Variants in GRIK1 observed in about 807,000 individuals in gnomAD.
GRIK1 encodes the protein glutamate ionotropic receptor kainate type subunit 1, also known as glutamate receptor ionotropic, kainate 1.
GRIK1 carries 69 observed loss-of-function variants against 105.7 expected under a neutral mutation model. The observed-to-expected ratio is 0.65, with a 90% confidence interval of 0.54 to 0.80. The LOEUF (loss-of-function observed/expected upper bound fraction) is 0.80, where lower values mean the gene tolerates loss of function less well. GRIK1 is among the 30% of genes least tolerant of loss of function. The pLI, the probability that GRIK1 is intolerant of heterozygous loss-of-function variation, is 0.00. For synonymous variants in GRIK1, 438 were observed against 431.3 expected (o/e 1.02, Z -0.19); for missense variants, 1,109 against 1,167.3 (o/e 0.95, Z 0.73).
chr21:29,781,825 C>T (rs891382193), intron 1 of GRIK1, among the ~76,000 whole-genome samples: 41 of 149,200 alleles, frequency 2.7e-4, no homozygotes, highest in African/African-American at 7.1e-4. Context: ...CGCCCGCCAC[C>T]GCGCCCGGCT....
At chr21:29,649,521 C>T (rs531082730) in intron 6 of GRIK1, among the ~76,000 whole-genome samples, 258 of 152,278 alleles carry the variant, frequency 1.7e-3, no homozygotes, top group African/African-American at 5.9e-3. Context: ...ACACTTCCTG[C>T]CCAGGGGATT....
chr21:29,702,848 A>T (rs2063838166), intron 1 of GRIK1, among the ~76,000 whole-genome samples: 1 of 147,992 alleles, frequency 6.8e-6, no homozygotes, highest in East Asian at 2.0e-4. Context: ...AGAAAATAAG[A>T]CCCTGCCAAT....
intron 1 of GRIK1, among the ~76,000 whole-genome samples, chr21:29,844,210 C>A (rs1365211498): frequency 6.6e-6 from 1 of 151,812 alleles, no homozygotes; most frequent in African/African-American, 2.4e-5. Flanking sequence ...AAAAAAAAAA[C>A]CTTTGCAGAT....
At chr21:29,743,904 A>G (rs2064988034) in intron 1 of GRIK1, among the ~76,000 whole-genome samples, 1 of 152,164 alleles carries the variant, frequency 6.6e-6, no homozygotes, top group Non-Finnish European at 1.5e-5. Flanking sequence ...TTCTTGAGGA[A>G]TAACACACAC....
intron 7 of GRIK1, among the ~76,000 whole-genome samples, chr21:29,623,303 T>A (rs1415618674): frequency 6.6e-6 from 1 of 152,152 alleles, no homozygotes; most frequent in African/African-American, 2.4e-5. Context: ...CCCACCCTCA[T>A]GATTCAATTA....
At chr21:29,702,681 A>G (rs541683052) in intron 1 of GRIK1, among the ~76,000 whole-genome samples, 10 of 152,240 alleles carry the variant, frequency 6.6e-5, no homozygotes, top group Non-Finnish European at 1.3e-4. Flanking sequence ...ACTGCACTCC[A>G]GCCTGGGTGA....
At chr21:29,824,145 A>G (rs2067381401) in intron 1 of GRIK1, among the ~76,000 whole-genome samples, 2 of 152,136 alleles carry the variant, frequency 1.3e-5, no homozygotes, top group Admixed American at 1.3e-4. Flanking sequence ...ACAACTGGAA[A>G]TTAATATATC....
At chr21:29,821,558 C>A (rs2067308622) in intron 1 of GRIK1, among the ~76,000 whole-genome samples, 1 of 151,974 alleles carries the variant, frequency 6.6e-6, no homozygotes, top group Admixed American at 6.6e-5. Context: ...AGACAGGAAT[C>A]CTCATGGGGA....
chr21:29,891,818 C>T (rs1474446795), intron 1 of GRIK1, among the ~76,000 whole-genome samples: 1 of 152,054 alleles, frequency 6.6e-6, no homozygotes, highest in Non-Finnish European at 1.5e-5. Context: ...GTATTAAAAA[C>T]TATGATTAAT....
intron 13 of GRIK1, among the ~76,000 whole-genome samples, chr21:29,580,140 TAC>T (rs2090995564): frequency 7.0e-6 from 1 of 143,436 alleles, no homozygotes; most frequent in African/African-American, 2.7e-5. Context: ...CACATATATA[TAC>T]ATATATATAT....
chr21:29,721,771 T>C (rs370553777), intron 1 of GRIK1, among the ~76,000 whole-genome samples: 1 of 152,130 alleles, frequency 6.6e-6, no homozygotes, highest in South Asian at 2.1e-4. Flanking sequence ...CTTATTGAAG[T>C]CTAGAAAAAC....
intron 7 of GRIK1, among the ~76,000 whole-genome samples, chr21:29,612,766 T>C (rs546453633): frequency 6.6e-6 from 1 of 152,310 alleles, no homozygotes; most frequent in South Asian, 2.1e-4. Flanking sequence ...CCAAAAAGAA[T>C]CACATTGCAT....
At chr21:29,574,683 C>CTTTTTTTTTTTT in intron 14 of GRIK1, among the ~76,000 whole-genome samples, 1 of 98,414 alleles carries the variant, frequency 1.0e-5, no homozygotes, top group Non-Finnish European at 2.0e-5. Flanking sequence ...TGATACACTT[C>CTTTTTTTTTTTT]TTTTTTTTTT....
intron 1 of GRIK1, among the ~76,000 whole-genome samples, chr21:29,911,507 A>G (rs539504404): frequency 1.3e-5 from 2 of 152,156 alleles, no homozygotes; most frequent in South Asian, 2.1e-4. Flanking sequence ...AGTAAAACCT[A>G]TAAAGTTGAT....
At chr21:29,715,707 T>C (rs560182240) in intron 1 of GRIK1, among the ~76,000 whole-genome samples, 68 of 149,496 alleles carry the variant, frequency 4.5e-4, no homozygotes, top group African/African-American at 1.6e-3. Flanking sequence ...TCTACTTCTA[T>C]AGTGAAGTAG....
chr21:29,873,479 T>C (rs896658206), intron 1 of GRIK1, among the ~76,000 whole-genome samples: 1 of 152,228 alleles, frequency 6.6e-6, no homozygotes, highest in Non-Finnish European at 1.5e-5. Context: ...TTTTCTTATC[T>C]GTAAATCAAC....
At chr21:29,594,160 T>G (rs1030732900) in intron 9 of GRIK1, among the ~76,000 whole-genome samples, 1 of 150,456 alleles carries the variant, frequency 6.6e-6, no homozygotes, top group Non-Finnish European at 1.5e-5. Context: ...TTTCCAAACC[T>G]GTAATCAGCA....
chr21:29,742,947 A>G (rs912343921), intron 1 of GRIK1, among the ~76,000 whole-genome samples: 1 of 151,912 alleles, frequency 6.6e-6, no homozygotes. Context: ...TTTCTCTGGT[A>G]TGTCTGTCTA....
chr21:29,834,848 A>AATATTAAT (rs1569143981), intron 1 of GRIK1, among the ~76,000 whole-genome samples: 5 of 150,438 alleles, frequency 3.3e-5, no homozygotes, highest in African/African-American at 1.2e-4. Context: ...TCAATATTAC[A>AATATTAAT]ATTGAATATT....
Sources: gnomAD v4.1 joint callset for allele counts (sites outside exome capture counted in the v4.1 genomes callset) on GRCh38, gnomAD v4.1.1 for gene constraint, MANE v1.5 for transcripts, NCBI Gene and HGNC (gene_info 2026-07-23, HGNC 2026-07-21) for gene names.